The following ADCY2 variants were observed in gnomAD, a reference collection of about 807,000 sequenced individuals.
The protein encoded by ADCY2 is adenylate cyclase type 2.
A neutral mutation model predicts 125.2 loss-of-function variants in ADCY2; 31 were observed. The ratio of observed to expected loss-of-function variants is 0.25; its 90% CI spans 0.19 to 0.33. ADCY2 has a LOEUF of 0.33. Ranked by LOEUF, ADCY2 falls within the 10% of genes least tolerant of loss-of-function variation. ADCY2 has a pLI of 1.00. For synonymous variants in ADCY2, 512 were observed against 548.4 expected (o/e 0.93, Z 0.93); for missense variants, 904 against 1,418.2 (o/e 0.64, Z 5.82).
At chr5:7,707,163 A>G (rs192620473) in intron 8 of ADCY2, among the ~76,000 whole-genome samples, 1 of 152,344 alleles carries the variant, frequency 6.6e-6, no homozygotes, top group Non-Finnish European at 1.5e-5. Context: ...TTGCAAATGT[A>G]TGAATAGAGA....
At chr5:7,724,764 G>A in intron 13 of ADCY2, 150 bp downstream of exon 13, 1 of 633,384 alleles carries the variant, frequency 1.6e-6, no homozygotes. Flanking sequence ...GTTCTTTCAT[G>A]CATATATTGC....
At chr5:7,816,744 G>T in intron 22 of ADCY2, 122 bp from the exon 23 acceptor site, 1 of 720,038 alleles carries the variant, frequency 1.4e-6, no homozygotes, top group South Asian at 1.7e-5. Context: ...TGTTTGCAGT[G>T]CCTTGTAGCA....
At chr5:7,414,903 A>T (rs1433192136) in intron 2 of ADCY2, 133 bp downstream of exon 2, 2 of 677,188 alleles carry the variant, frequency 3.0e-6, no homozygotes, top group Non-Finnish European at 4.8e-6. Context: ...TTTTCGATTT[A>T]TATTGCTAAA....
intron 2 of ADCY2, among the ~76,000 whole-genome samples, chr5:7,519,120 T>G (rs1744353170): frequency 6.6e-6 from 1 of 152,198 alleles, no homozygotes; most frequent in African/African-American, 2.4e-5. Flanking sequence ...TGTGCTCTTT[T>G]GTGTATGACA....
intron 1 of ADCY2, among the ~76,000 whole-genome samples, chr5:7,409,934 A>G (rs1163872177): frequency 6.6e-6 from 1 of 152,230 alleles, no homozygotes; most frequent in African/African-American, 2.4e-5. Context: ...GAGTATGACT[A>G]TGTATGTAGA....
rs568583943 is a variant in ADCY2, at chr5:7,751,593, A to G, written c.1957-5856A>G. Among the ~76,000 whole-genome samples the G allele has an allele frequency of 2.0e-5, 3 of 152,292 alleles. No homozygotes were observed. The East Asian group carries it at 5.8e-4, about 29-fold the overall frequency. ...ATCAGGTAATGTGATTTCAAACCCA[A>G]CACTTTAGGGTTTGGATTGATCCTT... On this transcript the variant is annotated intron_variant, in intron 15 of 24. Coordinates refer to ENST00000338316, the MANE Select transcript of ADCY2 (RefSeq NM_020546.3).
rs1745548841 is a variant in ADCY2 at position 7,828,303 on chromosome 5, AAC to A, written c.*1433_*1434del. ...GAAGCCTTTTATTCGTGGGAACTCG[AAC>A]TTGAAGCACAAGTTCCTGGTTTGAA... is the stretch of plus-strand genomic sequence containing the variant. On this transcript the variant is annotated 3_prime_UTR_variant, in exon 25 of 25. Transcript: ENST00000338316. The A allele has an allele frequency of 6.6e-6, 1 of 152,658 alleles. No homozygotes were observed. The highest frequency in any genetic ancestry group is 2.4e-5 in the African/African-American group (1 of 41,466). 9.5% of individuals were successfully genotyped at this position (152,658 alleles called of 1,614,324 possible). A position where few individuals can be genotyped will look rare whatever the true frequency, so the allele number is the denominator to read the frequency against.
chr5:7,673,885 C>T (rs539047984), intron 4 of ADCY2, among the ~76,000 whole-genome samples: 1 of 152,248 alleles, frequency 6.6e-6, no homozygotes, highest in Non-Finnish European at 1.5e-5. Context: ...GTCTGTGAGG[C>T]CACTGGAATG....
chr5:7,705,785 C>A (rs896358604), intron 7 of ADCY2, among the ~76,000 whole-genome samples: 2 of 152,118 alleles, frequency 1.3e-5, no homozygotes, highest in Admixed American at 6.5e-5. Context: ...AGGAAAATAT[C>A]TTTCTATATT....
intron 2 of ADCY2, among the ~76,000 whole-genome samples, chr5:7,425,088 C>A (rs1045235872): frequency 1.3e-5 from 2 of 152,170 alleles, no homozygotes; most frequent in African/African-American, 4.8e-5. Context: ...CAGTGCTGCT[C>A]ACTGTCTCGA....
rs1003104168 is a variant in ADCY2, at chr5:7,792,428, G to T, written c.2628+2628G>T. 5.9e-5 allele frequency among the ~76,000 whole-genome samples: 9 copies of T among 152,112 alleles called. No homozygotes were observed. The East Asian group carries it at 1.6e-3, about 26-fold the overall frequency. ...TAAATAAACATTTTTAAAAGAATTTGGGAGCTGATAGGAGGGTCCCTTCCT... is the reference window on the plus strand; with the variant it reads ...TAAATAAACATTTTTAAAAGAATTTTGGAGCTGATAGGAGGGTCCCTTCCT... On this transcript the variant is annotated intron_variant, in intron 20 of 24. Coordinates refer to ENST00000338316, the MANE Select transcript of ADCY2 (RefSeq NM_020546.3).
chr5:7,416,421 G>A (rs985954228), intron 2 of ADCY2, among the ~76,000 whole-genome samples: 4 of 151,992 alleles, frequency 2.6e-5, no homozygotes, highest in Non-Finnish European at 4.4e-5. Flanking sequence ...CACACTCCCC[G>A]CTCTCTCCTT....
chr5:7,626,395 G>A lies in ADCY2; in HGVS notation c.720+79G>A, dbSNP rs16878848. 3,269 of 1,483,948 alleles carry A rather than the reference G, an allele frequency of 2.2e-3. 66 individuals are homozygous for A. The African/African-American group carries it at 0.04, about 18-fold the overall frequency. 91.9% of individuals were successfully genotyped at this position (1,483,948 alleles called of 1,614,324 possible). On this transcript the variant is annotated intron_variant, in intron 4 of 24. Coordinates refer to ENST00000338316, the MANE Select transcript of ADCY2 (RefSeq NM_020546.3). The stretch of plus-strand genomic sequence containing the variant: ...GCTGTTACTATTAATGTTGAGTGTC[G>A]TTCATTCATTCATGAGCTTCAGAAA...
At chr5:7,531,720 C>T (rs964045662) in intron 3 of ADCY2, among the ~76,000 whole-genome samples, 2 of 152,294 alleles carry the variant, frequency 1.3e-5, no homozygotes, top group East Asian at 1.9e-4. Flanking sequence ...TCTCTTCTGT[C>T]TCTCATAAGG....
intron 4 of ADCY2, among the ~76,000 whole-genome samples, chr5:7,631,300 G>T (rs1738302349): frequency 6.6e-6 from 1 of 152,206 alleles, no homozygotes. Context: ...CAAGGATTAA[G>T]ATGGAGATAC....
intron 4 of ADCY2, among the ~76,000 whole-genome samples, chr5:7,644,001 G>T (rs1007285515): frequency 4.6e-5 from 7 of 151,800 alleles, no homozygotes; most frequent in African/African-American, 1.7e-4. Context: ...CTCCAATAAT[G>T]CATGTCTGTG....
intron 3 of ADCY2, among the ~76,000 whole-genome samples, chr5:7,546,621 A>G (rs1370915552): frequency 1.3e-5 from 2 of 152,212 alleles, no homozygotes; most frequent in Non-Finnish European, 2.9e-5. Flanking sequence ...ATGAGGCTCC[A>G]TACTTGCTTT....
intron 3 of ADCY2, among the ~76,000 whole-genome samples, chr5:7,586,954 G>A (rs1254754144): frequency 6.6e-6 from 1 of 152,100 alleles, no homozygotes; most frequent in African/African-American, 2.4e-5. Flanking sequence ...TAGTATTTAT[G>A]TCTGTACATT....
chr5:7,599,939 A>G (rs1455190669), intron 3 of ADCY2, among the ~76,000 whole-genome samples: 1 of 152,166 alleles, frequency 6.6e-6, no homozygotes, highest in Admixed American at 6.5e-5. Context: ...ATATAAAGGA[A>G]TCCCGGTGGG....
Sources: allele counts gnomAD v4.1 joint callset (sites outside exome capture counted in the v4.1 genomes callset), GRCh38; gene constraint gnomAD v4.1.1; transcripts MANE v1.5; gene names NCBI Gene and HGNC (gene_info 2026-07-23, HGNC 2026-07-21).